SPON1: variants seen among roughly 807,000 people sequenced by gnomAD.
The protein encoded by SPON1 is spondin-1.
A neutral mutation model predicts 111.7 loss-of-function variants in SPON1; 52 were observed. The observed-to-expected ratio is 0.47, with a 90% CI of 0.37 to 0.59. The LOEUF (loss-of-function observed/expected upper bound fraction) is 0.59. SPON1 is among the 20% of genes least tolerant of loss of function. The pLI is 0.00. For synonymous variants in SPON1, 410 were observed against 395.8 expected, an observed-to-expected ratio of 1.04 and a Z score of -0.43; for missense variants, 957 against 1,068.5, an observed-to-expected ratio of 0.90 and a Z score of 1.46.
At chr11:14,211,365 G>A (rs556323457) in intron 6 of SPON1, among the ~76,000 whole-genome samples, 50 of 152,216 alleles carry the variant, frequency 3.3e-4, no homozygotes, top group Middle Eastern at 3.4e-3. Flanking sequence ...AATCATGAGC[G>A]AACTCCCATT....
rs182901826 is a variant in SPON1 at position 14,089,443 on chromosome 11, C to T, written c.676+9422C>T. ...GGAGGTCTACTCCAGACCCTGTTCT[C>T]GTGGGTATCACCAGCAGAGGCTCCA... On this transcript the variant is annotated intron_variant, in intron 5 of 15. Transcript: ENST00000576479. Among the ~76,000 whole-genome samples, 14 of 152,310 alleles carry T rather than the reference C, an allele frequency of 9.2e-5. No homozygotes were observed. In the Middle Eastern group the frequency reaches 0.01, roughly 111 times the overall value.
intron 6 of SPON1, among the ~76,000 whole-genome samples, chr11:14,206,475 T>C (rs1848518491): frequency 1.3e-5 from 2 of 152,190 alleles, no homozygotes; most frequent in African/African-American, 4.8e-5. Context: ...AAATGACAAG[T>C]TTTTAAGTTG....
intron 6 of SPON1, among the ~76,000 whole-genome samples, chr11:14,207,737 G>A (rs1283951620): frequency 6.6e-6 from 1 of 150,708 alleles, no homozygotes; most frequent in Non-Finnish European, 1.5e-5. Flanking sequence ...GTTGTGGGAC[G>A]CTTATACACT....
chr11:13,968,268 A>T (rs782076086), intron 1 of SPON1, among the ~76,000 whole-genome samples: 3 of 152,210 alleles, frequency 2.0e-5, no homozygotes, highest in African/African-American at 7.2e-5. Flanking sequence ...ACAAGAGGTA[A>T]ATGGGAGATC....
At chr11:14,233,748 G>A (rs1294958518) in intron 6 of SPON1, among the ~76,000 whole-genome samples, 2 of 134,282 alleles carry the variant, frequency 1.5e-5, no homozygotes, top group African/African-American at 5.6e-5. Flanking sequence ...GTCCAACACT[G>A]TTTCTTTTTC....
chr11:14,041,302 G>A (rs924330236), intron 2 of SPON1, among the ~76,000 whole-genome samples: 3 of 152,278 alleles, frequency 2.0e-5, no homozygotes, highest in Admixed American at 1.3e-4. Flanking sequence ...GTCCCAGAGA[G>A]CAAAGATGTG....
intron 2 of SPON1, among the ~76,000 whole-genome samples, chr11:14,028,481 T>TA (rs1848535258): frequency 6.6e-6 from 1 of 151,932 alleles, no homozygotes; most frequent in Non-Finnish European, 1.5e-5. Context: ...CAAAAATAAA[T>TA]AAAAATAAAA....
intron 1 of SPON1, among the ~76,000 whole-genome samples, chr11:13,980,176 G>GATTACAGGCATGTGCCACC (rs1471790392): frequency 6.6e-6 from 1 of 152,096 alleles, no homozygotes; most frequent in African/African-American, 2.4e-5. Flanking sequence ...GAGTAGCTGG[G>GATTACAGGCATGTGCCACC]ATTACAGGCA....
chr11:14,216,582 GGT>G (rs1848628954), intron 6 of SPON1, among the ~76,000 whole-genome samples: 1 of 152,154 alleles, frequency 6.6e-6, no homozygotes, highest in East Asian at 1.9e-4. Flanking sequence ...CCAAGAGCAT[GGT>G]GCCAGTATCT....
intron 3 of SPON1, among the ~76,000 whole-genome samples, chr11:14,042,785 C>T (rs1049869586): frequency 1.4e-4 from 22 of 152,192 alleles, no homozygotes; most frequent in Admixed American, 3.9e-4. Flanking sequence ...ACCTAGGCAT[C>T]GCAATACCTG....
chr11:14,243,722 G>A (rs1848956312), intron 7 of SPON1, among the ~76,000 whole-genome samples: 1 of 152,258 alleles, frequency 6.6e-6, no homozygotes, highest in South Asian at 2.1e-4. Context: ...CACCCTCAGA[G>A]CACACAGGTG....
At chr11:13,983,101 C>G in intron 2 of SPON1, 148 bp downstream of exon 2, 1 of 620,190 alleles carries the variant, frequency 1.6e-6, no homozygotes, top group South Asian at 2.0e-5. Context: ...CATCATGGAG[C>G]AAGCAGCAAA....
chr11:14,041,434 ATAAAGT>A lies in SPON1; in HGVS notation c.346-83_346-78del, dbSNP rs1848630512. The A allele has an allele frequency of 5.4e-5, 80 of 1,476,460 alleles. 2 individuals are homozygous for A. The South Asian group carries it at 9.7e-4, about 18-fold the overall frequency. The allele number at this position is 1,476,460 out of a possible 1,614,324, so 91.5% of individuals were successfully genotyped here. ...CTAACATAAAATGATAAGTTTAAAA[ATAAAGT>A]TAAGGAAGTACCAACTTAGAAGCTT... On this transcript the variant is annotated intron_variant, in intron 2 of 15. Coordinates refer to ENST00000576479, the MANE Select transcript of SPON1 (RefSeq NM_006108.4).
chr11:13,970,814 C>T lies in SPON1; in HGVS notation c.238+7672C>T, dbSNP rs772085120. Among the ~76,000 whole-genome samples, 38 of 152,166 alleles carry T rather than the reference C, an allele frequency of 2.5e-4. 1 individual carries two copies. The highest frequency in any genetic ancestry group is 6.3e-3 in the Middle Eastern group (2 of 316). ...ACCAATTTATGTTTCCCGTCACTTT[C>T]GCCTGATTTTGTTTTCTTCATAGCC... On this transcript the variant is annotated intron_variant, in intron 1 of 15. Transcript: ENST00000576479.
At chr11:14,209,136 A>T (rs990050646) in intron 6 of SPON1, among the ~76,000 whole-genome samples, 3 of 152,134 alleles carry the variant, frequency 2.0e-5, no homozygotes, top group Non-Finnish European at 4.4e-5. Flanking sequence ...GAAGTTACCC[A>T]TAGTTGCATA....
chr11:14,255,778 C>T lies in SPON1; in HGVS notation c.1224C>T (p.Ile408=). 3.1e-6 allele frequency: 5 copies of T among 1,613,802 alleles called. No individual in the cohort carries two copies. The highest frequency in any genetic ancestry group is 2.2e-5 in the South Asian group (2 of 91,062). Residue 408 remains isoleucine (I), a synonymous_variant, in exon 9 of 16, where the codon ATC becomes ATT. Transcript: ENST00000576479. The part of the protein sequence containing the change: ...TQVARVVIER[I]ARKGEQCNIV... ...TAGCCAGAGTTGTCATCGAGAGAATCGCACGGAAGGTACTGGGTTAGAACC... is the reference window on the plus strand; with the variant it reads ...TAGCCAGAGTTGTCATCGAGAGAATTGCACGGAAGGTACTGGGTTAGAACC...
chr11:14,154,637 C>T (rs1183907617), intron 6 of SPON1, among the ~76,000 whole-genome samples: 1 of 152,206 alleles, frequency 6.6e-6, no homozygotes, highest in Non-Finnish European at 1.5e-5. Flanking sequence ...TTCCCATTGT[C>T]TTGGCTACTA....
intron 5 of SPON1, among the ~76,000 whole-genome samples, chr11:14,095,735 C>A (rs192559683): frequency 1.3e-5 from 2 of 152,178 alleles, no homozygotes; most frequent in African/African-American, 2.4e-5. Flanking sequence ...CCCACCCACA[C>A]GGGGGATGGA....
chr11:13,993,523 GTC>G (rs1349631872), intron 2 of SPON1, among the ~76,000 whole-genome samples: 2 of 152,096 alleles, frequency 1.3e-5, no homozygotes, highest in African/African-American at 4.8e-5. Flanking sequence ...TCTCCTTCAG[GTC>G]TCTGATCAGC....
Sources: gnomAD v4.1 joint callset for allele counts (sites outside exome capture counted in the v4.1 genomes callset) on GRCh38, gnomAD v4.1.1 for gene constraint, MANE v1.5 for transcripts, NCBI Gene and HGNC (gene_info 2026-07-23, HGNC 2026-07-21) for gene names.